Variants in TENM1 observed in about 807,000 individuals in gnomAD.
TENM1 encodes teneurin-1.
TENM1 carries 35 observed loss-of-function variants against 174.8 expected under a neutral mutation model. That is an observed-to-expected ratio of 0.20 (90% CI 0.15 to 0.27). TENM1 has a LOEUF of 0.27. Ranked by LOEUF, TENM1 falls within the 10% of genes least tolerant of loss-of-function variation. The pLI is 1.00. For synonymous variants in TENM1, 781 were observed against 798.7 expected (o/e 0.98, Z 0.37); for missense variants, 1,633 against 2,130.1 (o/e 0.77, Z 4.59).
chrX:124,526,902 C>T (rs1292054100), intron 16 of TENM1, among the ~76,000 whole-genome samples: 1 of 112,121 alleles, frequency 8.9e-6, no homozygotes, highest in Non-Finnish European at 1.9e-5. Context: ...CTAAGAATGT[C>T]GTCACTTCAC....
chrX:124,700,852 CA>C (rs1326136588), intron 5 of TENM1, among the ~76,000 whole-genome samples: 1 of 111,275 alleles, frequency 9.0e-6, no homozygotes, highest in Non-Finnish European at 1.9e-5. Flanking sequence ...TTATTTTCAG[CA>C]CTCTTTTACT....
intron 28 of TENM1, among the ~76,000 whole-genome samples, chrX:124,389,327 G>A (rs772030244): frequency 1.2e-4 from 14 of 112,252 alleles, no homozygotes; most frequent in Non-Finnish European, 2.6e-4. Context: ...TAATACCAGA[G>A]TATTTTGGGG....
At chrX:125,152,283 A>C in the TENM1 span, among the ~76,000 whole-genome samples, 1 of 111,175 alleles carries the variant, frequency 9.0e-6, no homozygotes, top group African/African-American at 3.3e-5. Context: ...GTGAATGTGT[A>C]AAGAAATGTG....
the TENM1 span, among the ~76,000 whole-genome samples, chrX:124,969,597 C>A: frequency 8.9e-6 from 1 of 111,857 alleles, no homozygotes; most frequent in East Asian, 2.8e-4. Context: ...CTTGTAGCAC[C>A]CTGTGAGGTA....
chrX:124,668,936 A>G (rs1415308416), intron 6 of TENM1, among the ~76,000 whole-genome samples: 7 of 111,937 alleles, frequency 6.3e-5, no homozygotes, highest in Non-Finnish European at 1.9e-5. Flanking sequence ...GTAGAGACCA[A>G]ACTTTAAAGA....
chrX:124,842,201 C>G (rs924143021), intron 3 of TENM1, among the ~76,000 whole-genome samples: 1 of 111,509 alleles, frequency 9.0e-6, no homozygotes, highest in Non-Finnish European at 1.9e-5. Flanking sequence ...GGCCCAATAC[C>G]TAGTGTACCT....
chrX:124,461,857 TAGAAG>T (rs1355744745), intron 22 of TENM1, among the ~76,000 whole-genome samples: 1 of 111,719 alleles, frequency 9.0e-6, no homozygotes. Context: ...TCAAAATAAC[TAGAAG>T]AGAATAATTT....
At chrX:125,001,215 T>G in the TENM1 span, among the ~76,000 whole-genome samples, 2 of 110,837 alleles carry the variant, frequency 1.8e-5, no homozygotes, top group South Asian at 7.5e-4. Flanking sequence ...TGCCCCTCTA[T>G]TCTAACTTAC....
chrX:125,096,941 A>T, the TENM1 span, among the ~76,000 whole-genome samples: 2 of 111,941 alleles, frequency 1.8e-5, no homozygotes, highest in Admixed American at 9.4e-5. Flanking sequence ...TGATTTTTCA[A>T]CTACCTTAAT....
At chrX:124,453,226 G>A in intron 23 of TENM1, 111 bp downstream of exon 26, 1 of 777,706 alleles carries the variant, frequency 1.3e-6, no homozygotes, top group Non-Finnish European at 1.8e-6. Context: ...GCTATCTGGT[G>A]TTATAACAGA....
At chrX:124,380,051 A>T (rs2060139683) in exon 32 of TENM1, 1 of 113,002 alleles carries the variant, frequency 8.8e-6, no homozygotes, top group African/African-American at 3.3e-5. Context: ...GACATTTTAC[A>T]CCTGTTTTTA....
chrX:124,766,620 T>C (rs2054544377), intron 3 of TENM1, among the ~76,000 whole-genome samples: 2 of 111,531 alleles, frequency 1.8e-5, no homozygotes, highest in Admixed American at 1.9e-4. Flanking sequence ...AATAAAAATA[T>C]GGTTTCTGGC....
chrX:124,838,921 G>T (rs1208635352), intron 3 of TENM1, among the ~76,000 whole-genome samples: 1 of 111,127 alleles, frequency 9.0e-6, no homozygotes, highest in Non-Finnish European at 1.9e-5. Context: ...TGTATTTGAA[G>T]ATAAAAACCG....
chrX:125,195,140 A>G, the TENM1 span, among the ~76,000 whole-genome samples: 1 of 111,937 alleles, frequency 8.9e-6, no homozygotes, highest in Non-Finnish European at 1.9e-5. Context: ...GTGATATATA[A>G]CCAAAAGTAT....
exon 32 of TENM1, chrX:124,381,167 G>A: frequency 8.3e-7 from 1 of 1,210,587 alleles, no homozygotes. Context: ...AGGGACAGCA[G>A]CAAACCTTGG....
the TENM1 span, among the ~76,000 whole-genome samples, chrX:125,083,559 T>C: frequency 9.0e-6 from 1 of 110,556 alleles, no homozygotes; most frequent in Non-Finnish European, 1.9e-5. Flanking sequence ...ATCTGTGACA[T>C]TACTAAGTTT....
chrX:124,781,654 G>T (rs1177612218), intron 3 of TENM1, among the ~76,000 whole-genome samples: 5 of 111,060 alleles, frequency 4.5e-5, no homozygotes, highest in Non-Finnish European at 9.5e-5. Flanking sequence ...TCTGGCCCCT[G>T]AATTCTCAGT....
chrX:124,969,708 G>C, the TENM1 span, among the ~76,000 whole-genome samples: 1 of 111,655 alleles, frequency 9.0e-6, no homozygotes, highest in Non-Finnish European at 1.9e-5. Context: ...GCAGGACTGA[G>C]ATTTCAATTC....
At chrX:124,400,422 A>C (rs1325842338) in intron 27 of TENM1, among the ~76,000 whole-genome samples, 1 of 112,106 alleles carries the variant, frequency 8.9e-6, no homozygotes, top group Non-Finnish European at 1.9e-5. Flanking sequence ...CTGAACACTC[A>C]CGTTTCATTT....
Sources: gnomAD v4.1 joint callset for allele counts (sites outside exome capture counted in the v4.1 genomes callset) on GRCh38, gnomAD v4.1.1 for gene constraint, MANE v1.5 for transcripts, NCBI Gene and HGNC (gene_info 2026-07-23, HGNC 2026-07-21) for gene names.